The following CNTNAP5 variants were observed in gnomAD, a reference collection of about 807,000 sequenced individuals.
CNTNAP5 encodes contactin associated protein family member 5, also known as contactin-associated protein-like 5.
A neutral mutation model predicts 150.2 loss-of-function variants in CNTNAP5; 72 were observed. The observed-to-expected ratio is 0.48, with a 90% confidence interval of 0.40 to 0.58. The LOEUF (loss-of-function observed/expected upper bound fraction) is 0.58, where lower values mean the gene tolerates loss of function less well. Ranked by LOEUF, CNTNAP5 falls within the 20% of genes least tolerant of loss-of-function variation. CNTNAP5 has a pLI of 0.00. For synonymous variants in CNTNAP5, 672 were observed against 619.8 expected, an observed-to-expected ratio of 1.08 and a Z score of -1.25; for missense variants, 1,636 against 1,626.2, an observed-to-expected ratio of 1.01 and a Z score of -0.10.
intron 3 of CNTNAP5, among the ~76,000 whole-genome samples, chr2:124,414,737 G>GTGTT (rs562811848): frequency 5.8e-4 from 89 of 152,204 alleles, no homozygotes; most frequent in Admixed American, 1.9e-3. Context: ...GTGTGTGTGT[G>GTGTT]TGTGATATTC....
intron 3 of CNTNAP5, among the ~76,000 whole-genome samples, chr2:124,358,326 A>T (rs1488316248): frequency 6.6e-6 from 1 of 152,096 alleles, no homozygotes; most frequent in Non-Finnish European, 1.5e-5. Flanking sequence ...CCTGGCCAGA[A>T]CTTCCAACAC....
intron 5 of CNTNAP5, among the ~76,000 whole-genome samples, chr2:124,441,687 T>G (rs1269411896): frequency 6.6e-6 from 1 of 151,886 alleles, no homozygotes; most frequent in Non-Finnish European, 1.5e-5. Flanking sequence ...GAACTCAGAT[T>G]TTTTTTTCTC....
intron 3 of CNTNAP5, among the ~76,000 whole-genome samples, chr2:124,296,214 C>T (rs1388364168): frequency 6.6e-6 from 1 of 152,048 alleles, no homozygotes; most frequent in African/African-American, 2.4e-5. Context: ...AGAAAATCAC[C>T]CTTGAAATTC....
At chr2:124,638,790 C>G (rs1678027148) in intron 12 of CNTNAP5, among the ~76,000 whole-genome samples, 1 of 152,116 alleles carries the variant, frequency 6.6e-6, no homozygotes, top group African/African-American at 2.4e-5. Context: ...TGCATCAATA[C>G]CTTGATTTTG....
intron 1 of CNTNAP5, among the ~76,000 whole-genome samples, chr2:124,026,441 A>C (rs1039000058): frequency 6.6e-6 from 1 of 152,200 alleles, no homozygotes; most frequent in Admixed American, 6.5e-5. Flanking sequence ...AACCTCGGCA[A>C]GTGTAGGACA....
At chr2:124,283,596 A>T (rs17011300) in intron 3 of CNTNAP5, among the ~76,000 whole-genome samples, 3,087 of 152,308 alleles carry the variant, frequency 0.02, 109 homozygotes, top group African/African-American at 0.069. Flanking sequence ...TGGCAATATT[A>T]AATTTTTGCT....
At chr2:124,485,202 C>A (rs969010801) in intron 7 of CNTNAP5, among the ~76,000 whole-genome samples, 2 of 152,146 alleles carry the variant, frequency 1.3e-5, no homozygotes, top group South Asian at 4.1e-4. Context: ...CCAGAAATAG[C>A]ATGTGCAAAA....
chr2:124,473,968 C>T (rs999890542), intron 6 of CNTNAP5, among the ~76,000 whole-genome samples: 17 of 152,102 alleles, frequency 1.1e-4, no homozygotes, highest in South Asian at 1.0e-3. Context: ...AATGTAATTG[C>T]GGTTTTTGCC....
chr2:124,699,495 T>C (rs1226163288), intron 13 of CNTNAP5, among the ~76,000 whole-genome samples: 1 of 152,172 alleles, frequency 6.6e-6, no homozygotes, highest in Non-Finnish European at 1.5e-5. Flanking sequence ...GCTTCAGCCT[T>C]GCTTCACTCA....
intron 3 of CNTNAP5, among the ~76,000 whole-genome samples, chr2:124,298,520 A>G (rs188594453): frequency 6.6e-6 from 1 of 152,308 alleles, no homozygotes; most frequent in East Asian, 1.9e-4. Context: ...CTAAACTATA[A>G]CTAAGGTCTG....
intron 3 of CNTNAP5, among the ~76,000 whole-genome samples, chr2:124,367,079 G>A (rs567472413): frequency 6.6e-6 from 1 of 152,304 alleles, no homozygotes; most frequent in South Asian, 2.1e-4. Flanking sequence ...AAGAAAAAAG[G>A]TAACTATAAG....
chr2:124,150,129 A>G (rs973628704), intron 1 of CNTNAP5, among the ~76,000 whole-genome samples: 8 of 152,162 alleles, frequency 5.3e-5, no homozygotes, highest in African/African-American at 1.9e-4. Flanking sequence ...TTTTTTTTCT[A>G]CAAGAGCGTG....
intron 6 of CNTNAP5, among the ~76,000 whole-genome samples, chr2:124,457,390 C>T (rs1310712278): frequency 1.3e-5 from 2 of 152,226 alleles, no homozygotes; most frequent in East Asian, 1.9e-4. Context: ...AAAATCTTCA[C>T]AATCTTCACA....
At chr2:124,170,900 A>G (rs1362453615) in intron 1 of CNTNAP5, among the ~76,000 whole-genome samples, 1 of 152,018 alleles carries the variant, frequency 6.6e-6, no homozygotes, top group Non-Finnish European at 1.5e-5. Flanking sequence ...GTGACCTTGC[A>G]CCAGTTACCC....
chr2:124,772,907 A>C lies in CNTNAP5; in HGVS notation c.2642A>C (p.Glu881Ala). The change falls in exon 17 of 24, where the codon GAG becomes GCG. Residue 881 changes from glutamate to alanine, a missense_variant. Glu to Ala is a moderately radical substitution (Grantham distance 107). Coordinates refer to ENST00000682447, the MANE Select transcript of CNTNAP5 (RefSeq NM_001367498.1). ...AACCAATGGCACTATGTCCGGGCTG[A>C]GAGGAACCTCAAGGAGACCTCCCTG... ...NDNQWHYVRA[E>A]RNLKETSLQV... 1 of 1,613,614 alleles carries C rather than the reference A, an allele frequency of 6.2e-7. No individual in the cohort carries two copies. Among genetic ancestry groups the C allele is most frequent in the Non-Finnish European group, 8.5e-7 (1 of 1,179,696 alleles).
intron 14 of CNTNAP5, among the ~76,000 whole-genome samples, chr2:124,749,712 C>T (rs2105148034): frequency 6.6e-6 from 1 of 152,312 alleles, no homozygotes; most frequent in African/African-American, 2.4e-5. Context: ...ACGCTCCCGG[C>T]AGACTCTGAG....
At chr2:124,480,206 T>C (rs1291815797) in intron 7 of CNTNAP5, among the ~76,000 whole-genome samples, 2 of 152,204 alleles carry the variant, frequency 1.3e-5, no homozygotes, top group Non-Finnish European at 1.5e-5. Flanking sequence ...AACTTAATCA[T>C]CTCATTTATT....
chr2:124,759,425 T>G (rs1252021585), intron 14 of CNTNAP5, among the ~76,000 whole-genome samples: 1 of 147,428 alleles, frequency 6.8e-6, no homozygotes, highest in Non-Finnish European at 1.5e-5. Flanking sequence ...ATTATATATA[T>G]ATATATAATG....
intron 7 of CNTNAP5, among the ~76,000 whole-genome samples, chr2:124,475,158 T>C (rs1306618120): frequency 1.3e-5 from 2 of 152,004 alleles, no homozygotes; most frequent in African/African-American, 4.8e-5. Flanking sequence ...GTATTTGCAG[T>C]CTATATTGGG....
Sources: gnomAD v4.1 joint callset for allele counts (sites outside exome capture counted in the v4.1 genomes callset) on GRCh38, gnomAD v4.1.1 for gene constraint, MANE v1.5 for transcripts, NCBI Gene and HGNC (gene_info 2026-07-23, HGNC 2026-07-21) for gene names.